The following MCU variants were observed in gnomAD, a reference collection of about 807,000 sequenced individuals.
The protein encoded by MCU is mitochondrial calcium uniporter.
MCU carries 12 observed loss-of-function variants against 45.2 expected under a neutral mutation model. The ratio of observed to expected loss-of-function variants is 0.27; its 90% CI spans 0.17 to 0.43. The LOEUF is 0.43. MCU is among the 20% of genes least tolerant of loss of function. The pLI is 1.00. For synonymous variants in MCU, 160 were observed against 165.1 expected, an observed-to-expected ratio of 0.97 and a Z score of 0.24; for missense variants, 324 against 436.7, an observed-to-expected ratio of 0.74 and a Z score of 2.30.
chr10:72,708,948 C>T (rs558023817), intron 1 of MCU, among the ~76,000 whole-genome samples: 49 of 151,936 alleles, frequency 3.2e-4, no homozygotes, highest in Middle Eastern at 3.4e-3. Flanking sequence ...GCCTAGGCTG[C>T]AGTAAGCTTT....
At chr10:72,737,546 A>G (rs1589438159) in intron 1 of MCU, among the ~76,000 whole-genome samples, 1 of 142,636 alleles carries the variant, frequency 7.0e-6, no homozygotes, top group South Asian at 2.2e-4. Context: ...CAGAGATGGT[A>G]TCTTGCTCTA....
chr10:72,735,885 G>A (rs528466907), intron 1 of MCU, among the ~76,000 whole-genome samples: 4 of 152,292 alleles, frequency 2.6e-5, no homozygotes, highest in Admixed American at 2.6e-4. Flanking sequence ...GAATACTGGG[G>A]TTTAAAGTGT....
intron 1 of MCU, among the ~76,000 whole-genome samples, chr10:72,819,810 A>G (rs932748590): frequency 7.2e-6 from 1 of 139,414 alleles, no homozygotes; most frequent in Non-Finnish European, 1.5e-5. Flanking sequence ...TGTGCCTCCT[A>G]TGGACATTCT....
intron 1 of MCU, among the ~76,000 whole-genome samples, chr10:72,739,789 GCCTTAGCCTCCCGAGTAGCT>G: frequency 6.7e-6 from 1 of 150,280 alleles, no homozygotes. Context: ...TGATTGTCTT[GCCTTAGCCTCCCGAGTAGCT>G]GGGATTACAG....
intron 1 of MCU, among the ~76,000 whole-genome samples, chr10:72,823,907 A>G (rs1027005457): frequency 1.3e-5 from 2 of 152,016 alleles, no homozygotes; most frequent in Non-Finnish European, 2.9e-5. Flanking sequence ...AAAAATTAAA[A>G]AACTTAGCCA....
intron 6 of MCU, among the ~76,000 whole-genome samples, chr10:72,880,479 G>A (rs2394932): frequency 9.3e-5 from 8 of 85,948 alleles, no homozygotes; most frequent in Non-Finnish European, 1.5e-4. Context: ...AAGGCAAAGC[G>A]GGGGGGGGGA....
intron 1 of MCU, among the ~76,000 whole-genome samples, chr10:72,710,284 T>A (rs1288535205): frequency 6.6e-6 from 1 of 152,188 alleles, no homozygotes; most frequent in African/African-American, 2.4e-5. Flanking sequence ...TTAATGGCTT[T>A]CTTTTTAATG....
At chr10:72,696,773 G>T (rs900600630) in intron 1 of MCU, among the ~76,000 whole-genome samples, 3 of 152,078 alleles carry the variant, frequency 2.0e-5, no homozygotes, top group Admixed American at 6.6e-5. Context: ...CTAGGGAAAA[G>T]ATATGCCCTT....
intron 1 of MCU, among the ~76,000 whole-genome samples, chr10:72,817,763 A>T (rs1844648665): frequency 6.6e-6 from 1 of 152,210 alleles, no homozygotes; most frequent in South Asian, 2.1e-4. Context: ...TTCAACAAGT[A>T]TTTTAAATGT....
intron 1 of MCU, among the ~76,000 whole-genome samples, chr10:72,702,130 A>C (rs1842766407): frequency 1.3e-5 from 2 of 151,704 alleles, no homozygotes; most frequent in South Asian, 4.2e-4. Context: ...GGGGCGCCAT[A>C]ATTCCAGCCA....
intron 1 of MCU, among the ~76,000 whole-genome samples, chr10:72,697,337 G>A (rs1324535285): frequency 1.3e-5 from 2 of 150,632 alleles, no homozygotes; most frequent in Non-Finnish European, 2.9e-5. Context: ...AGCTGGTCTC[G>A]AACTCCTGGC....
intron 6 of MCU, among the ~76,000 whole-genome samples, chr10:72,881,855 G>A (rs1384527480): frequency 6.6e-6 from 1 of 152,174 alleles, no homozygotes; most frequent in African/African-American, 2.4e-5. Flanking sequence ...GTACACAAGT[G>A]TTCACAGCAG....
intron 1 of MCU, among the ~76,000 whole-genome samples, chr10:72,832,710 C>T (rs1844896170): frequency 6.6e-6 from 1 of 152,168 alleles, no homozygotes; most frequent in African/African-American, 2.4e-5. Context: ...GTTCTAAGGA[C>T]TTTACATGTA....
At chr10:72,765,469 A>G (rs1464075864) in intron 1 of MCU, among the ~76,000 whole-genome samples, 1 of 152,042 alleles carries the variant, frequency 6.6e-6, no homozygotes, top group Non-Finnish European at 1.5e-5. Flanking sequence ...TTTCTATTAT[A>G]GATATTATTA....
At chr10:72,720,910 A>C (rs908030229) in intron 1 of MCU, 1 of 152,192 alleles carries the variant, frequency 6.6e-6, no homozygotes, top group African/African-American at 2.4e-5. Flanking sequence ...TAACAGTCTT[A>C]ATTCAGAACC....
At chr10:72,727,356 C>T (rs1843115025) in intron 1 of MCU, among the ~76,000 whole-genome samples, 1 of 152,224 alleles carries the variant, frequency 6.6e-6, no homozygotes, top group African/African-American at 2.4e-5. Context: ...TAATCTTGCT[C>T]ATCTTGCATG....
At chr10:72,847,488 A>C (rs1346004640) in intron 2 of MCU, among the ~76,000 whole-genome samples, 3 of 152,226 alleles carry the variant, frequency 2.0e-5, no homozygotes, top group African/African-American at 7.2e-5. Context: ...TAGTTCCTCA[A>C]CTTTATCATA....
At chr10:72,712,993 G>A (rs963249746) in intron 1 of MCU, among the ~76,000 whole-genome samples, 3 of 152,082 alleles carry the variant, frequency 2.0e-5, no homozygotes, top group Admixed American at 1.3e-4. Flanking sequence ...CTGTCGCTAC[G>A]GCAAGCAAAC....
At chr10:72,873,083 A>T (rs1166875262) in intron 6 of MCU, among the ~76,000 whole-genome samples, 9 of 135,070 alleles carry the variant, frequency 6.7e-5, no homozygotes, top group African/African-American at 2.6e-4. Context: ...CAATGGCACG[A>T]TCTCGGCTCA....
Sources: allele counts gnomAD v4.1 joint callset (sites outside exome capture counted in the v4.1 genomes callset), GRCh38; gene constraint gnomAD v4.1.1; transcripts MANE v1.5; gene names NCBI Gene and HGNC (gene_info 2026-07-23, HGNC 2026-07-21).